DIP2B: variants seen among roughly 807,000 people sequenced by gnomAD.
The protein encoded by DIP2B is DIP2 acetate--CoA ligase B (putative).
DIP2B carries 76 observed loss-of-function variants against 198.0 expected under a neutral mutation model. That is an observed-to-expected ratio of 0.38 (90% CI 0.32 to 0.46). The LOEUF (loss-of-function observed/expected upper bound fraction) is 0.46. Ranked by LOEUF, DIP2B falls within the 20% of genes least tolerant of loss-of-function variation. The pLI, the probability that DIP2B is intolerant of heterozygous loss-of-function variation, is 0.99. For synonymous variants in DIP2B, 701 were observed against 739.1 expected (o/e 0.95, Z 0.84); for missense variants, 1,559 against 1,978.4 (o/e 0.79, Z 4.02).
chr12:50,734,241 A>C, intron 33 of DIP2B, 45 bp downstream of exon 33: 1 of 1,602,398 alleles, frequency 6.2e-7, no homozygotes, highest in Non-Finnish European at 8.5e-7. Context: ...GTTCCTAAGC[A>C]TAACAAATTC....
At chr12:50,698,747 A>G (rs1481472881) in intron 18 of DIP2B, among the ~76,000 whole-genome samples, 1 of 152,234 alleles carries the variant, frequency 6.6e-6, no homozygotes, top group Non-Finnish European at 1.5e-5. Context: ...GTAATTGCCA[A>G]GCCATTGGGA....
chr12:50,670,463 T>G (rs538871502), intron 4 of DIP2B, among the ~76,000 whole-genome samples: 2 of 152,254 alleles, frequency 1.3e-5, no homozygotes, highest in African/African-American at 4.8e-5. Context: ...TTGCCCAGGC[T>G]AGAGTGCAGT....
At chr12:50,554,671 T>C (rs1958454191) in intron 1 of DIP2B, among the ~76,000 whole-genome samples, 1 of 152,132 alleles carries the variant, frequency 6.6e-6, no homozygotes, top group Non-Finnish European at 1.5e-5. Flanking sequence ...GTGTATTGCA[T>C]CCTGTATATT....
intron 1 of DIP2B, among the ~76,000 whole-genome samples, chr12:50,571,548 GTTTTTTT>G (rs71083600): frequency 1.2e-5 from 1 of 85,748 alleles, no homozygotes; most frequent in African/African-American, 5.0e-5. Context: ...AAACCTAGGC[GTTTTTTT>G]TTTTTTTTTT....
In DIP2B at chr12:50,556,558, C is replaced by CTT. The variant is rs11390796; in HGVS notation, c.100+51330_100+51331dup. On this transcript the variant is annotated intron_variant, in intron 1 of 37. Coordinates refer to ENST00000301180, the MANE Select transcript of DIP2B (RefSeq NM_173602.3). ...TTAAATGACACTATGTATTGTGAGA[C>CTT]TTTTTTTTTTTTTGAGATGGAGTCT... is the stretch of plus-strand genomic sequence containing the variant. Among the ~76,000 whole-genome samples, 568 of 146,208 alleles carry CTT rather than the reference C, an allele frequency of 3.9e-3. 5 individuals are homozygous for CTT. Among genetic ancestry groups the CTT allele is most frequent in the South Asian group, 6.2e-3 (29 of 4,666 alleles).
At chr12:50,697,349 A>G (rs1022842713) in intron 17 of DIP2B, among the ~76,000 whole-genome samples, 174 bp downstream of exon 17, 23 of 152,004 alleles carry the variant, frequency 1.5e-4, no homozygotes, top group African/African-American at 5.6e-4. Flanking sequence ...TTTAATTGAT[A>G]TCATTTCGTA....
intron 1 of DIP2B, among the ~76,000 whole-genome samples, chr12:50,571,025 C>T (rs181738181): frequency 5.3e-5 from 8 of 151,652 alleles, no homozygotes; most frequent in Non-Finnish European, 1.0e-4. Flanking sequence ...TTTGTAATAA[C>T]AATGAAATTA....
chr12:50,519,338 C>T (rs138813956), intron 1 of DIP2B, among the ~76,000 whole-genome samples: 11 of 152,192 alleles, frequency 7.2e-5, no homozygotes, highest in Non-Finnish European at 1.2e-4. Flanking sequence ...TGGGCTCAAG[C>T]GATCCTCCCT....
intron 3 of DIP2B, among the ~76,000 whole-genome samples, chr12:50,648,092 C>T (rs374994263): frequency 6.6e-6 from 1 of 151,840 alleles, no homozygotes; most frequent in African/African-American, 2.4e-5. Context: ...GGCGACAGAT[C>T]GATGCTCCAA....
intron 1 of DIP2B, among the ~76,000 whole-genome samples, chr12:50,574,757 G>A (rs1958643739): frequency 6.6e-6 from 1 of 152,204 alleles, no homozygotes; most frequent in Admixed American, 6.5e-5. Context: ...CTTTTATGAA[G>A]AATGGGTTGG....
chr12:50,579,442 G>C (rs1384876971), intron 1 of DIP2B, among the ~76,000 whole-genome samples: 1 of 150,268 alleles, frequency 6.7e-6, no homozygotes, highest in Non-Finnish European at 1.5e-5. Context: ...GTGAAACCCC[G>C]TCTCTACAAA....
chr12:50,580,797 A>C (rs1958718600), intron 1 of DIP2B, among the ~76,000 whole-genome samples: 1 of 148,520 alleles, frequency 6.7e-6, no homozygotes, highest in Non-Finnish European at 1.5e-5. Context: ...CAGAATTACT[A>C]ATTGTTTTGT....
At position 50,680,753 on chromosome 12, in the gene DIP2B, C is replaced by G; in HGVS notation, c.1196C>G (p.Pro399Arg). Residue 399 changes from proline to arginine, a missense_variant, in exon 9 of 38, where the codon CCT becomes CGT. By Grantham distance (103) the Pro-to-Arg change is moderately radical. Transcript: ENST00000301180. ...LGTKNEPVLK[P>R]GDRVALVYPN... ...ACCAAAAATGAACCTGTGTTAAAAC[C>G]TGGAGACAGGGTAATTGGTGTGATT... The G allele has an allele frequency of 6.2e-7, 1 of 1,613,688 alleles. No homozygotes were observed.
intron 1 of DIP2B, among the ~76,000 whole-genome samples, chr12:50,514,972 A>T (rs923684512): frequency 1.2e-4 from 18 of 151,626 alleles, no homozygotes; most frequent in Non-Finnish European, 7.4e-5. Flanking sequence ...AGCTTTAAAA[A>T]AAACACACAC....
intron 37 of DIP2B, among the ~76,000 whole-genome samples, chr12:50,743,373 A>G (rs559039678): frequency 1.1e-4 from 16 of 151,896 alleles, no homozygotes; most frequent in South Asian, 2.1e-4. Context: ...GAGCCACCGC[A>G]CCCAACTGAA....
intron 34 of DIP2B, 141 bp from the exon 35 acceptor site, chr12:50,736,895 A>C: frequency 1.4e-6 from 1 of 711,928 alleles, no homozygotes; most frequent in Non-Finnish European, 2.5e-6. Context: ...TGATCCCCTC[A>C]GGGTAGCTGC....
In DIP2B at chr12:50,530,205, G is replaced by A. The variant is rs560520400; in HGVS notation, c.100+24965G>A. On this transcript the variant is annotated intron_variant, in intron 1 of 37. Coordinates refer to ENST00000301180, the MANE Select transcript of DIP2B (RefSeq NM_173602.3). ...CATTCTCCCGCTTCAGCCTCCCGAG[G>A]AGCTGGGACTACAGGCACCCGCCAT... Among the ~76,000 whole-genome samples, 146 of 152,172 alleles carry A rather than the reference G, an allele frequency of 9.6e-4. No individual in the cohort carries two copies. The Middle Eastern group carries it at 0.014, about 14-fold the overall frequency.
At chr12:50,593,702 T>TCTCCTCTCCC (rs1565836975) in intron 1 of DIP2B, among the ~76,000 whole-genome samples, 3 of 56,530 alleles carry the variant, frequency 5.3e-5, no homozygotes, top group South Asian at 2.1e-3. Flanking sequence ...TCTCCTCTCC[T>TCTCCTCTCCC]CTCCCCTCCT....
In DIP2B at chr12:50,719,005, C is replaced by T. The variant is rs1939785517; in HGVS notation, c.3012C>T (p.Asp1004=). The T allele has an allele frequency of 1.9e-6, 3 of 1,614,192 alleles. No homozygotes were observed. The highest frequency in any genetic ancestry group is 2.2e-5 in the South Asian group (2 of 91,084). The change falls in exon 25 of 38, where the codon GAC becomes GAT. Residue 1004 remains aspartate, a synonymous_variant. Coordinates refer to ENST00000301180, the MANE Select transcript of DIP2B (RefSeq NM_173602.3). The part of the protein sequence containing the change: ...ILQWRAQATP[D]HVLFMLLNAK... ...AGTGGCGAGCCCAGGCGACTCCTGA[C>T]CATGTACTCTTCATGCTGTTAAATG...
Sources: allele counts gnomAD v4.1 joint callset (sites outside exome capture counted in the v4.1 genomes callset), GRCh38; gene constraint gnomAD v4.1.1; transcripts MANE v1.5; gene names NCBI Gene and HGNC (gene_info 2026-07-23, HGNC 2026-07-21).